Variants in SUPT3H observed in about 807,000 individuals in gnomAD.
SUPT3H encodes the protein SPT3 homolog, SAGA and STAGA complex component.
SUPT3H carries 44 observed loss-of-function variants against 44.3 expected under a neutral mutation model. The observed-to-expected ratio is 0.99, with a 90% CI of 0.78 to 1.28. SUPT3H has a LOEUF of 1.28. Among genes scored for constraint, SUPT3H ranks in the 50% most tolerant of loss-of-function variants. The pLI, the probability that SUPT3H is intolerant of heterozygous loss-of-function variation, is 0.00. For synonymous variants in SUPT3H, 124 were observed against 125.6 expected, an observed-to-expected ratio of 0.99 and a Z score of 0.09; for missense variants, 380 against 387.1, an observed-to-expected ratio of 0.98 and a Z score of 0.15.
At chr6:45,347,407 T>C (rs569429945) in intron 2 of SUPT3H, among the ~76,000 whole-genome samples, 6 of 152,302 alleles carry the variant, frequency 3.9e-5, no homozygotes, top group African/African-American at 1.4e-4. Flanking sequence ...TGGTGGTAGA[T>C]GTACACAAAA....
intron 3 of SUPT3H, among the ~76,000 whole-genome samples, chr6:45,023,707 T>C (rs1011189448): frequency 7.4e-6 from 1 of 134,384 alleles, no homozygotes; most frequent in Non-Finnish European, 1.6e-5. Flanking sequence ...GGGAGCTAAA[T>C]GATGAGCACT....
At chr6:45,165,189 T>C (rs886078252) in intron 2 of SUPT3H, among the ~76,000 whole-genome samples, 7 of 152,250 alleles carry the variant, frequency 4.6e-5, no homozygotes, top group African/African-American at 1.7e-4. Flanking sequence ...CAGGCACTGA[T>C]GAAAGCTATC....
chr6:44,954,015 G>A (rs1203946940), intron 8 of SUPT3H, among the ~76,000 whole-genome samples: 3 of 152,144 alleles, frequency 2.0e-5, no homozygotes, highest in African/African-American at 7.2e-5. Flanking sequence ...TGGGATTACA[G>A]GCAAGAGCCA....
At chr6:44,979,438 T>A (rs1172444921) in intron 6 of SUPT3H, among the ~76,000 whole-genome samples, 1 of 152,234 alleles carries the variant, frequency 6.6e-6, no homozygotes, top group African/African-American at 2.4e-5. Flanking sequence ...CCTATGGTTA[T>A]GATTGTTCTT....
intron 3 of SUPT3H, among the ~76,000 whole-genome samples, chr6:45,065,950 A>G (rs1793224928): frequency 7.1e-6 from 1 of 140,302 alleles, no homozygotes; most frequent in Non-Finnish European, 1.5e-5. Context: ...ATCCTCCCTC[A>G]CTCATTTTAT....
intron 3 of SUPT3H, among the ~76,000 whole-genome samples, chr6:45,094,770 G>A (rs1797584727): frequency 6.6e-6 from 1 of 151,974 alleles, no homozygotes; most frequent in Non-Finnish European, 1.5e-5. Flanking sequence ...AAGATATTAG[G>A]AGTGATCAAT....
chr6:45,323,134 A>G lies in SUPT3H; in HGVS notation c.101+42067T>C, dbSNP rs753581721. On this transcript the variant is annotated intron_variant, in intron 2 of 10. Coordinates refer to ENST00000371459, the MANE Select transcript of SUPT3H (RefSeq NM_003599.4). ...TGGAATGCTCAGAGGGGAATCCTTC[A>G]TAAGTAACACTAACTTACAATCTTC... 1.1e-3 allele frequency among the ~76,000 whole-genome samples: 168 copies of G among 152,296 alleles called. 2 individuals carry two copies. The highest frequency in any genetic ancestry group is 0.01 in the Middle Eastern group (3 of 294).
intron 2 of SUPT3H, among the ~76,000 whole-genome samples, chr6:45,132,769 CTTG>C (rs996724287): frequency 2.0e-5 from 3 of 152,180 alleles, no homozygotes; most frequent in Non-Finnish European, 4.4e-5. Context: ...TGATTCAACA[CTTG>C]TTGTCCAGAT....
chr6:45,175,202 T>C (rs1811528290), intron 2 of SUPT3H, among the ~76,000 whole-genome samples: 1 of 152,096 alleles, frequency 6.6e-6, no homozygotes, highest in African/African-American at 2.4e-5. Context: ...TGTGCACATA[T>C]AATCTTTTAT....
intron 2 of SUPT3H, among the ~76,000 whole-genome samples, chr6:45,345,727 C>A (rs1230124042): frequency 6.6e-6 from 1 of 152,138 alleles, no homozygotes; most frequent in Non-Finnish European, 1.5e-5. Context: ...ATTATCAATT[C>A]TTCTTAATGA....
chr6:45,243,160 T>G (rs1770679347), intron 2 of SUPT3H, among the ~76,000 whole-genome samples: 1 of 120,752 alleles, frequency 8.3e-6, no homozygotes, highest in Non-Finnish European at 1.6e-5. Flanking sequence ...ATCGTGCCAC[T>G]GCACTCCAGC....
At chr6:44,957,865 G>T (rs750758296) in intron 7 of SUPT3H, among the ~76,000 whole-genome samples, 8 of 152,140 alleles carry the variant, frequency 5.3e-5, no homozygotes, top group Non-Finnish European at 8.8e-5. Context: ...AAAACCACTT[G>T]GGTTATTGCT....
Position 45,256,654 on chromosome 6 carries a change from G to T in SUPT3H, c.101+108547C>A, listed in dbSNP as rs1773459846. ...GGAACCACAAATCTGCTTTCTGTTG[G>T]TATAAATTTCCCAATTATAGACTTT... is the stretch of plus-strand genomic sequence containing the variant. On this transcript the variant is annotated intron_variant, in intron 2 of 10. Transcript: ENST00000371459. 2.6e-5 allele frequency among the ~76,000 whole-genome samples: 4 copies of T among 152,132 alleles called. No individual in the cohort carries two copies. In the South Asian group the frequency reaches 8.3e-4, roughly 32 times the overall value.
intron 2 of SUPT3H, among the ~76,000 whole-genome samples, chr6:45,181,610 G>A (rs1337563117): frequency 4.0e-5 from 6 of 150,464 alleles, no homozygotes; most frequent in African/African-American, 9.8e-5. Context: ...GTAAACCATC[G>A]CAAGGACAAA....
At chr6:44,989,064 A>T (rs1162581911) in intron 6 of SUPT3H, among the ~76,000 whole-genome samples, 2 of 152,158 alleles carry the variant, frequency 1.3e-5, no homozygotes, top group African/African-American at 4.8e-5. Context: ...AAAGTACCCA[A>T]GTCCCACACA....
downstream of SUPT3H, among the ~76,000 whole-genome samples, chr6:44,821,833 G>C (rs1046840115): frequency 6.6e-6 from 1 of 152,144 alleles, no homozygotes; most frequent in Non-Finnish European, 1.5e-5. Flanking sequence ...TGGAGAACGA[G>C]GAGACAATGG....
intron 11 of SUPT3H, among the ~76,000 whole-genome samples, chr6:44,821,420 GA>G (rs995511080): frequency 6.6e-6 from 1 of 152,164 alleles, no homozygotes; most frequent in Non-Finnish European, 1.5e-5. Flanking sequence ...CCAACTGAAA[GA>G]AAACCACATA....
At chr6:45,068,995 A>T (rs991364837) in intron 3 of SUPT3H, among the ~76,000 whole-genome samples, 14 of 151,902 alleles carry the variant, frequency 9.2e-5, no homozygotes, top group Non-Finnish European at 1.5e-4. Flanking sequence ...AAAAAATAAA[A>T]AAAATAAAAT....
chr6:45,123,388 TCC>T (rs1273965237), intron 2 of SUPT3H, among the ~76,000 whole-genome samples: 1 of 151,082 alleles, frequency 6.6e-6, no homozygotes. Context: ...TTTTTTTTTT[TCC>T]CCAGATAGGG....
Sources: gnomAD v4.1 joint callset for allele counts (sites outside exome capture counted in the v4.1 genomes callset) on GRCh38, gnomAD v4.1.1 for gene constraint, MANE v1.5 for transcripts, NCBI Gene and HGNC (gene_info 2026-07-23, HGNC 2026-07-21) for gene names.